SDK1: variants seen among roughly 807,000 people sequenced by gnomAD.
SDK1 encodes protein sidekick-1.
Under a neutral mutation model 245.5 loss-of-function variants are expected in SDK1, and 157 were observed. The observed-to-expected ratio is 0.64, with a 90% CI of 0.56 to 0.73. The LOEUF (loss-of-function observed/expected upper bound fraction) is 0.73, where lower values mean the gene tolerates loss of function less well. Ranked by LOEUF, SDK1 falls within the 30% of genes least tolerant of loss-of-function variation. SDK1 has a pLI of 0.00. For synonymous variants in SDK1, 1,647 were observed against 1,278.5 expected, an observed-to-expected ratio of 1.29 and a Z score of -6.15; for missense variants, 3,583 against 3,002.3, an observed-to-expected ratio of 1.19 and a Z score of -4.52.
Position 4,267,367 on chromosome 7 carries a change from G to A in SDK1, c.*1983G>A. On this transcript the variant is annotated 3_prime_UTR_variant, in exon 45 of 45. Transcript: ENST00000404826. ...CTTCCTTTTCTCCTCCTTTTTCTGAGTGGAGGGGGAAATATTCTAAACCAA... is the reference window on the plus strand; with the variant it reads ...CTTCCTTTTCTCCTCCTTTTTCTGAATGGAGGGGGAAATATTCTAAACCAA... 1 of 980,664 alleles carries A rather than the reference G, an allele frequency of 1.0e-6. No individual in the cohort carries two copies. The highest frequency in any genetic ancestry group is 4.7e-5 in the South Asian group (1 of 21,176). The allele number at this position is 980,664 out of a possible 1,614,324, so 60.7% of individuals were successfully genotyped here.
intron 19 of SDK1, among the ~76,000 whole-genome samples, chr7:4,052,474 A>T (rs1342970291): frequency 6.6e-6 from 1 of 152,204 alleles, no homozygotes; most frequent in Non-Finnish European, 1.5e-5. Context: ...AATTGGGAAA[A>T]AGTATAGAAT....
At chr7:4,167,175 C>T (rs1002350464) in intron 32 of SDK1, among the ~76,000 whole-genome samples, 25 of 152,170 alleles carry the variant, frequency 1.6e-4, no homozygotes, top group Admixed American at 4.6e-4. Flanking sequence ...GGGCAGATCA[C>T]GAGGTCGAGA....
intron 14 of SDK1, among the ~76,000 whole-genome samples, chr7:4,005,437 T>TGTGTGTGTGTG (rs1785405074): frequency 1.3e-5 from 2 of 148,240 alleles, no homozygotes; most frequent in Admixed American, 6.7e-5. Context: ...TGTGTGTGTG[T>TGTGTGTGTGTG]TAATACTTCT....
intron 4 of SDK1, among the ~76,000 whole-genome samples, chr7:3,796,413 C>A (rs917101693): frequency 6.6e-6 from 1 of 152,202 alleles, no homozygotes; most frequent in Non-Finnish European, 1.5e-5. Flanking sequence ...GAAGCTGTTT[C>A]GCTGTTGCTT....
intron 4 of SDK1, among the ~76,000 whole-genome samples, chr7:3,817,253 C>T (rs1236899711): frequency 6.6e-6 from 1 of 152,136 alleles, no homozygotes; most frequent in Admixed American, 6.5e-5. Flanking sequence ...GAACTCTTCC[C>T]CTTGGGTCCA....
At chr7:3,811,697 T>C (rs555846835) in intron 4 of SDK1, among the ~76,000 whole-genome samples, 1 of 152,316 alleles carries the variant, frequency 6.6e-6, no homozygotes, top group East Asian at 1.9e-4. Flanking sequence ...GGGAGTTGGA[T>C]GTGCTGCCTG....
Position 4,153,748 on chromosome 7 carries a change from T to C in SDK1, c.4625+4285T>C, listed in dbSNP as rs76361983. Among the ~76,000 whole-genome samples, 305 of 152,294 alleles carry C rather than the reference T, an allele frequency of 2.0e-3. 7 individuals carry two copies. In the East Asian group the frequency reaches 0.053, roughly 27 times the overall value. Reference sequence around the variant, plus strand: ...CTGGAGTGCAGTAGCTCCGTCATCGTTCACTGCAGCCTCCAACTCCTGGGC... The same window carrying C: ...CTGGAGTGCAGTAGCTCCGTCATCGCTCACTGCAGCCTCCAACTCCTGGGC... On this transcript the variant is annotated intron_variant, in intron 30 of 44. Transcript: ENST00000404826.
chr7:3,689,963 G>T (rs932536666), intron 4 of SDK1, among the ~76,000 whole-genome samples: 6 of 152,164 alleles, frequency 3.9e-5, no homozygotes, highest in Non-Finnish European at 5.9e-5. Flanking sequence ...TTGATCATCC[G>T]TGTGGAAATG....
At chr7:3,987,782 A>G (rs929961058) in intron 14 of SDK1, among the ~76,000 whole-genome samples, 2 of 152,026 alleles carry the variant, frequency 1.3e-5, no homozygotes, top group Admixed American at 1.3e-4. Context: ...ATTTACCGCC[A>G]TCCTTGGAAC....
chr7:3,334,309 C>G (rs931633469), intron 1 of SDK1, among the ~76,000 whole-genome samples: 1 of 152,190 alleles, frequency 6.6e-6, no homozygotes, highest in African/African-American at 2.4e-5. Context: ...CTGATGAAAG[C>G]AGCAGTTCTC....
chr7:3,703,288 A>G (rs1378529471), intron 4 of SDK1, among the ~76,000 whole-genome samples: 1 of 152,228 alleles, frequency 6.6e-6, no homozygotes, highest in African/African-American at 2.4e-5. Flanking sequence ...TGCATCATAA[A>G]GGAGTGAGCC....
At position 3,641,980 on chromosome 7, in the gene SDK1, G is replaced by C. The variant is rs777820943; in HGVS notation, c.588G>C (p.Thr196=). The C allele has an allele frequency of 2.5e-6, 4 of 1,613,602 alleles. No homozygotes were observed. In the Admixed American group the frequency reaches 5.0e-5, roughly 20 times the overall value. Residue 196 remains threonine, a synonymous_variant, in exon 4 of 45, where the codon ACG becomes ACC. Transcript: ENST00000404826. ...QVAYMGSFMD[T]DQRKTVSQGR... Reference sequence around the variant, plus strand: ...CAGATATGGGAAGTTTCATGGATACGGACCAGAGGAAAACAGTTTCTCAAG... The same window carrying C: ...CAGATATGGGAAGTTTCATGGATACCGACCAGAGGAAAACAGTTTCTCAAG...
intron 37 of SDK1, among the ~76,000 whole-genome samples, chr7:4,209,574 G>A (rs1048995842): frequency 6.6e-6 from 1 of 152,168 alleles, no homozygotes; most frequent in Non-Finnish European, 1.5e-5. Flanking sequence ...AGGAGCCAGG[G>A]GTGTCCCCCA....
At chr7:3,786,239 C>A (rs970093073) in intron 4 of SDK1, among the ~76,000 whole-genome samples, 4 of 152,188 alleles carry the variant, frequency 2.6e-5, no homozygotes, top group African/African-American at 9.7e-5. Context: ...ACTTAAAGTG[C>A]AGCCCTGTTT....
chr7:3,392,359 T>C (rs1331013603), intron 1 of SDK1, among the ~76,000 whole-genome samples: 2 of 152,186 alleles, frequency 1.3e-5, no homozygotes, highest in East Asian at 1.9e-4. Flanking sequence ...CAAATCTTTG[T>C]CCAATTGTGG....
Position 3,511,058 on chromosome 7 carries a change from G to T in SDK1, c.299-108022G>T, listed in dbSNP as rs551134465. Among the ~76,000 whole-genome samples the T allele has an allele frequency of 1.3e-4, 20 of 152,302 alleles. No homozygotes were observed. In the South Asian group the frequency reaches 3.9e-3, roughly 30 times the overall value. On this transcript the variant is annotated intron_variant, in intron 1 of 44. Coordinates refer to ENST00000404826, the MANE Select transcript of SDK1 (RefSeq NM_152744.4). ...TGTCACAGCAGACTAGACAAATGGT[G>T]ACAGTGGCTTGGGCCAGGGTGGCAG...
rs140365779 is a variant in SDK1, at chr7:4,099,762, C to A, written c.3325-10901C>A. ...AGGCACAGAGTGGGGCGTGTGTGAG[C>A]GGGATGTGATGGGAGATGGCCCAAG... On this transcript the variant is annotated intron_variant, in intron 22 of 44. Coordinates refer to ENST00000404826, the MANE Select transcript of SDK1 (RefSeq NM_152744.4). Among the ~76,000 whole-genome samples the A allele has an allele frequency of 3.9e-3, 571 of 146,686 alleles. 2 individuals carry two copies. The highest frequency in any genetic ancestry group is 0.011 in the Middle Eastern group (3 of 268).
Position 4,267,759 on chromosome 7 carries a change from C to T in SDK1, c.*2375C>T, listed in dbSNP as rs942831607. On this transcript the variant is annotated 3_prime_UTR_variant, in exon 45 of 45. Coordinates refer to ENST00000404826, the MANE Select transcript of SDK1 (RefSeq NM_152744.4). ...CACTTCTGTTTCAAGCTCATGTTTT[C>T]CGTCTCCCCTCCACTCTTAGTAAAC... The T allele has an allele frequency of 2.7e-5, 27 of 985,384 alleles. No individual in the cohort carries two copies. Among genetic ancestry groups the T allele is most frequent in the Non-Finnish European group, 3.1e-5 (26 of 829,982 alleles). The allele number at this position is 985,384 out of a possible 1,614,324, so 61.0% of individuals were successfully genotyped here. A position where few individuals can be genotyped will look rare whatever the true frequency, so the allele number is the denominator to read the frequency against.
At chr7:3,613,425 T>C (rs1305227087) in intron 1 of SDK1, among the ~76,000 whole-genome samples, 1 of 152,206 alleles carries the variant, frequency 6.6e-6, no homozygotes, top group African/African-American at 2.4e-5. Flanking sequence ...TATGATGTTG[T>C]GTAAGCCTTC....
Sources: allele counts gnomAD v4.1 joint callset (sites outside exome capture counted in the v4.1 genomes callset), GRCh38; gene constraint gnomAD v4.1.1; transcripts MANE v1.5; gene names NCBI Gene and HGNC (gene_info 2026-07-23, HGNC 2026-07-21).